The following SDS variants were observed in gnomAD, a reference collection of about 807,000 sequenced individuals.
The protein encoded by SDS is serine dehydratase.
SDS carries 19 observed loss-of-function variants against 29.3 expected under a neutral mutation model. The ratio of observed to expected loss-of-function variants is 0.65; its 90% confidence interval spans 0.45 to 0.95. The LOEUF is 0.95. Among genes scored for constraint, SDS ranks in the 40% least tolerant of loss-of-function variants. SDS has a pLI of 0.00. For synonymous variants in SDS, 176 were observed against 189.0 expected, an observed-to-expected ratio of 0.93 and a Z score of 0.56; for missense variants, 375 against 439.9, an observed-to-expected ratio of 0.85 and a Z score of 1.32.
Position 113,398,535 on chromosome 12 carries a change from G to A in SDS, c.405C>T (p.Pro135=), listed in dbSNP as rs538688950. 19 of 1,589,898 alleles carry A rather than the reference G, an allele frequency of 1.2e-5. No individual in the cohort carries two copies. The African/African-American group carries it at 1.8e-4, about 15-fold the overall frequency. The part of the protein sequence containing the change: ...KNNPGWVYIP[P]FDDPLIWEGH... Reference sequence around the variant, plus strand: ...CATACCAGATGAGGGGGTCATCAAAGGGGGGAATGTAGACCCAACCCGGGT... The same window carrying A: ...CATACCAGATGAGGGGGTCATCAAAAGGGGGAATGTAGACCCAACCCGGGT... Residue 135 remains proline, a synonymous_variant, in exon 5 of 8, where the codon CCC becomes CCT. Coordinates refer to ENST00000257549, the MANE Select transcript of SDS (RefSeq NM_006843.3).
At chr12:113,397,452 A>C in intron 5 of SDS, 60 bp from the exon 6 acceptor site, 11 of 1,409,012 alleles carry the variant, frequency 7.8e-6, no homozygotes, top group South Asian at 1.3e-5. Context: ...ACACCAGCTC[A>C]GGTTTGCACC....
chr12:113,399,442 G>A (rs912909457), intron 2 of SDS, 114 bp downstream of exon 2: 1 of 1,253,348 alleles, frequency 8.0e-7, no homozygotes, highest in Admixed American at 2.9e-5. Context: ...GTCCTTGCGG[G>A]GAGTCAGTAG....
In SDS at chr12:113,399,613, G is replaced by A. The variant is rs754637462; in HGVS notation, c.96C>T (p.Asp32=). The A allele has an allele frequency of 7.5e-6, 12 of 1,603,204 alleles. No individual in the cohort carries two copies. The highest frequency in any genetic ancestry group is 2.2e-4 in the Middle Eastern group (1 of 4,620). Residue 32 remains aspartate, a synonymous_variant, in exon 2 of 8, where the codon GAC becomes GAT. Coordinates refer to ENST00000257549, the MANE Select transcript of SDS (RefSeq NM_006843.3). ...MAGTSVYLKM[D]SAQPSGSFKI... ...TGAAGGAGCCGGAGGGCTGGGCACT[G>A]TCCATCTTGAGGTAGACGCTGGTGC...
rs147277887 is a variant in SDS at position 113,395,929 on chromosome 12, C to T, written c.653+1236G>A. ...GAGTTCGAGACTAGCCTGGCTAACA[C>T]GGTAAAACCCCATTTCTACTAAAAA... On this transcript the variant is annotated intron_variant, in intron 6 of 7. Coordinates refer to ENST00000257549, the MANE Select transcript of SDS (RefSeq NM_006843.3). Among the ~76,000 whole-genome samples, 26 of 152,218 alleles carry T rather than the reference C, an allele frequency of 1.7e-4. 1 individual carries two copies. The East Asian group carries it at 3.3e-3, about 19-fold the overall frequency.
intron 1 of SDS, among the ~76,000 whole-genome samples, chr12:113,400,980 C>T (rs1225964711): frequency 1.3e-5 from 2 of 151,900 alleles, no homozygotes; most frequent in Non-Finnish European, 2.9e-5. Flanking sequence ...GGTGAAACCC[C>T]GTCTCTACTA....
Position 113,393,597 on chromosome 12 carries a change from T to C in SDS, c.778+295A>G, listed in dbSNP as rs559871646. 2.6e-4 allele frequency among the ~76,000 whole-genome samples: 40 copies of C among 152,342 alleles called. 1 individual carries two copies. The highest frequency in any genetic ancestry group is 1.4e-3 in the South Asian group (7 of 4,834). On this transcript the variant is annotated intron_variant, in intron 7 of 7. Coordinates refer to ENST00000257549, the MANE Select transcript of SDS (RefSeq NM_006843.3). ...CTCTGAGCCCCATGTTTTCCTTTTT[T>C]TACCCTGGCTGCCAGGAAACTCAGA...
rs146027909 is a variant in SDS at position 113,397,245 on chromosome 12, G to A, written c.573C>T (p.Ile191=). 14 of 1,614,188 alleles carry A rather than the reference G, an allele frequency of 8.7e-6. No homozygotes were observed. The African/African-American group carries it at 1.1e-4, about 12-fold the overall frequency. The change falls in exon 6 of 8, where the codon ATC becomes ATT. Residue 191 remains isoleucine (I), a synonymous_variant. Coordinates refer to ENST00000257549, the MANE Select transcript of SDS (RefSeq NM_006843.3). ...QEVGWGDVPV[I]AMETFGAHSF... is the part of the protein sequence containing the mutation. ...TGTGGGCACCAAAAGTCTCCATGGC[G>A]ATGACAGGCACGTCCCCCCAGCCCA...
chr12:113,402,449 C>T (rs184416613), intron 1 of SDS, among the ~76,000 whole-genome samples: 100 of 152,292 alleles, frequency 6.6e-4, no homozygotes, highest in Admixed American at 5.4e-3. Flanking sequence ...TGCACCACCA[C>T]GCCCGAATAA....
Position 113,399,552 on chromosome 12 carries a change from G to C in SDS, c.153+4C>G. 6.3e-7 allele frequency: 1 copy of C among 1,575,534 alleles called. No homozygotes were observed. Among genetic ancestry groups the C allele is most frequent in the South Asian group, 1.2e-5 (1 of 85,426 alleles). On this transcript the variant is annotated splice_donor_region_variant and intron_variant, in intron 2 of 7. Transcript: ENST00000257549. ...GCCCAGATAATGCTGACCCGGTCCC[G>C]TACCCTCTTGCAGAAGTGCCCAATG...
chr12:113,392,895 G>C lies in SDS; in HGVS notation c.*46C>G. On this transcript the variant is annotated 3_prime_UTR_variant, in exon 8 of 8. Coordinates refer to ENST00000257549, the MANE Select transcript of SDS (RefSeq NM_006843.3). ...GCTGGATAAAACTCCAGCCCCTCCA[G>C]GGGTCTCTTGGGCTAGGAGAGCACA... 2 of 1,568,176 alleles carry C rather than the reference G, an allele frequency of 1.3e-6. No individual in the cohort carries two copies. Among genetic ancestry groups the C allele is most frequent in the Non-Finnish European group, 1.8e-6 (2 of 1,142,472 alleles).
chr12:113,399,592 G>A lies in SDS; in HGVS notation c.117C>T (p.Ser39=). Residue 39 remains serine, a synonymous_variant, in exon 2 of 8, where the codon TCC becomes TCT. Transcript: ENST00000257549. ...AGTGCCCAATGCCCCGGATCTTGAA[G>A]GAGCCGGAGGGCTGGGCACTGTCCA... ...LKMDSAQPSG[S]FKIRGIGHFC... 6.2e-7 allele frequency: 1 copy of A among 1,601,452 alleles called. No individual in the cohort carries two copies. Among genetic ancestry groups the A allele is most frequent in the Non-Finnish European group, 8.5e-7 (1 of 1,175,362 alleles).
In SDS at chr12:113,392,977, C is replaced by T; in HGVS notation, c.951G>A (p.Lys317=). Residue 317 remains lysine, a synonymous_variant, in exon 8 of 8, where the codon AAG becomes AAA. Coordinates refer to ENST00000257549, the MANE Select transcript of SDS (RefSeq NM_006843.3). The stretch of plus-strand genomic sequence containing the variant: ...ACCTATTTGTCATGCCCAGCTGTTC[C>T]TTGAGCGCCCGCAGCTGGGCCAGGC... The part of the protein sequence containing the change: ...NISLAQLRAL[K]EQLGMTNRLP... 2 of 1,614,184 alleles carry T rather than the reference C, an allele frequency of 1.2e-6. No individual in the cohort carries two copies. Among genetic ancestry groups the T allele is most frequent in the Non-Finnish European group, 8.5e-7 (1 of 1,180,028 alleles).
intron 6 of SDS, among the ~76,000 whole-genome samples, chr12:113,396,324 TCCTC>T (rs374065080): frequency 1.0e-3 from 153 of 150,742 alleles, no homozygotes; most frequent in African/African-American, 3.5e-3. Flanking sequence ...CTTCCTTCCT[TCCTC>T]CCTCCCTCCC....
In SDS at chr12:113,393,981, G is replaced by T; in HGVS notation, c.689C>A (p.Ala230Asp). ...TTCCTGAAACAGCTTCAGGGCCTGA[G>T]CCCCCACAGTCTTCACGCCCAGGGC... ...AKALGVKTVGAQALKLFQEHP... is the reference protein window; with the variant it reads ...AKALGVKTVGDQALKLFQEHP... Residue 230 changes from alanine to aspartate, a missense_variant, in exon 7 of 8, where the codon GCT (alanine) becomes GAT (aspartate). By Grantham distance (126) the Ala-to-Asp change is moderately radical (BLOSUM62 -2). Transcript: ENST00000257549. 1 of 1,614,154 alleles carries T rather than the reference G, an allele frequency of 6.2e-7. No homozygotes were observed. Among genetic ancestry groups the T allele is most frequent in the Non-Finnish European group, 8.5e-7 (1 of 1,180,032 alleles).
chr12:113,399,100 C>A lies in SDS; in HGVS notation c.193+12G>T. On this transcript the variant is annotated intron_variant, in intron 3 of 7. Transcript: ENST00000257549. The stretch of plus-strand genomic sequence containing the variant: ...CACAGCAGAGGACAGGATGGGGAAG[C>A]AGATCACTTACCCGAGGAGCAGACA... The A allele has an allele frequency of 6.2e-7, 1 of 1,613,776 alleles. No individual in the cohort carries two copies. The highest frequency in any genetic ancestry group is 1.7e-5 in the Admixed American group (1 of 60,024).
chr12:113,393,093 T>C lies in SDS; in HGVS notation c.835A>G (p.Ser279Gly), dbSNP rs1329839698. Residue 279 changes from serine (S) to glycine (G), a missense_variant, in exon 8 of 8, where the codon AGC (serine) becomes GGC (glycine). Physicochemically the swap from Ser to Gly is moderately conservative, Grantham distance 56. Transcript: ENST00000257549. ...ACGAALAAVY[S>G]HVIQKLQLEG... Reference sequence around the variant, plus strand: ...AGTTGGAGCTTCTGGATCACGTGGCTATAGACAGCGGCCAGGGCTGCCCCG... The same window carrying C: ...AGTTGGAGCTTCTGGATCACGTGGCCATAGACAGCGGCCAGGGCTGCCCCG... 6.2e-7 allele frequency: 1 copy of C among 1,614,212 alleles called. No individual in the cohort carries two copies. Among genetic ancestry groups the C allele is most frequent in the Non-Finnish European group, 8.5e-7 (1 of 1,180,034 alleles).
At chr12:113,394,378 T>A (rs1424070128) in intron 6 of SDS, among the ~76,000 whole-genome samples, 1 of 151,224 alleles carries the variant, frequency 6.6e-6, no homozygotes, top group Non-Finnish European at 1.5e-5. Flanking sequence ...CTTGCTCTGT[T>A]GCCCAGGCTG....
chr12:113,395,405 G>C (rs577485231), intron 6 of SDS, among the ~76,000 whole-genome samples: 1 of 152,216 alleles, frequency 6.6e-6, no homozygotes, highest in Non-Finnish European at 1.5e-5. Context: ...GTTCTTACCT[G>C]GCTGGGCTCA....
At chr12:113,397,520 C>G in intron 5 of SDS, 128 bp from the exon 6 acceptor site, 1 of 742,492 alleles carries the variant, frequency 1.3e-6, no homozygotes. Context: ...CCAACCTTGG[C>G]TTCTAGCTGC....
Sources: allele counts gnomAD v4.1 joint callset (sites outside exome capture counted in the v4.1 genomes callset), GRCh38; gene constraint gnomAD v4.1.1; transcripts MANE v1.5; gene names NCBI Gene and HGNC (gene_info 2026-07-23, HGNC 2026-07-21).